Variants in GTF2IRD1 observed in about 807,000 individuals in gnomAD.
The protein encoded by GTF2IRD1 is GTF2I repeat domain containing 1.
A neutral mutation model predicts 113.2 loss-of-function variants in GTF2IRD1; 26 were observed. The observed-to-expected ratio is 0.23, with a 90% CI of 0.17 to 0.32. The LOEUF is 0.32. GTF2IRD1 is among the 10% of genes least tolerant of loss of function. The pLI is 1.00. For synonymous variants in GTF2IRD1, 484 were observed against 529.1 expected (o/e 0.91, Z 1.17); for missense variants, 864 against 1,280.8 (o/e 0.67, Z 4.97).
chr7:74,488,108 C>A (rs1448146208), intron 1 of GTF2IRD1, among the ~76,000 whole-genome samples: 1 of 152,106 alleles, frequency 6.6e-6, no homozygotes, highest in Non-Finnish European at 1.5e-5. Flanking sequence ...CAGTGAGACC[C>A]TATCTCTAAA....
chr7:74,538,202 G>A, intron 12 of GTF2IRD1, 29 bp downstream of exon 12: 1 of 1,610,118 alleles, frequency 6.2e-7, no homozygotes, highest in Non-Finnish European at 8.5e-7. Context: ...CGCTGTGTGT[G>A]TGGTGGGCCG....
At chr7:74,568,521 A>G (rs1471340988) in intron 22 of GTF2IRD1, among the ~76,000 whole-genome samples, 17 of 151,834 alleles carry the variant, frequency 1.1e-4, no homozygotes, top group Admixed American at 9.2e-4. Flanking sequence ...GATGGCGGGC[A>G]CCTGTAGTCC....
chr7:74,552,256 G>T (rs1799353889), intron 17 of GTF2IRD1, among the ~76,000 whole-genome samples: 1 of 152,114 alleles, frequency 6.6e-6, no homozygotes, highest in African/African-American at 2.4e-5. Context: ...GGTGGCTCAC[G>T]CCTGTAATCC....
intron 26 of GTF2IRD1, 165 bp downstream of exon 26, chr7:74,601,345 A>G (rs1554374050): frequency 1.3e-6 from 2 of 1,531,858 alleles, no homozygotes; most frequent in East Asian, 2.5e-5. Flanking sequence ...CACCTGTCTC[A>G]CCCAAGAGGT....
chr7:74,508,239 G>A, intron 2 of GTF2IRD1, 36 bp downstream of exon 2: 6 of 1,591,930 alleles, frequency 3.8e-6, no homozygotes, highest in Non-Finnish European at 5.1e-6. Context: ...GAGGGGACAG[G>A]GTGAGCGTCC....
intron 1 of GTF2IRD1, among the ~76,000 whole-genome samples, chr7:74,467,686 T>G (rs1318461763): frequency 2.0e-5 from 3 of 151,690 alleles, no homozygotes; most frequent in African/African-American, 7.3e-5. Flanking sequence ...TTTTATTTTG[T>G]ATTTAATTTT....
In GTF2IRD1 at chr7:74,566,372, TCG is replaced by T. The variant is rs1367941804; in HGVS notation, c.2320+6719_2320+6720del. Among the ~76,000 whole-genome samples, 747 of 144,964 alleles carry T rather than the reference TCG, an allele frequency of 5.2e-3. 5 individuals are homozygous for T. The highest frequency in any genetic ancestry group is 0.018 in the African/African-American group (680 of 38,236). On this transcript the variant is annotated intron_variant, in intron 22 of 26. Coordinates refer to ENST00000424337, the MANE Select transcript of GTF2IRD1 (RefSeq NM_005685.4). Reference sequence around the variant, plus strand: ...TCACACTTTTTTTTGAGACGGAGTCTCGCTCTGTCCCCCAGGCTGGACTGCAG... The same window carrying T: ...TCACACTTTTTTTTGAGACGGAGTCTCTCTGTCCCCCAGGCTGGACTGCAG...
rs782322169 is a variant in GTF2IRD1 at position 74,519,732 on chromosome 7, C to T, written c.916+13C>T. Reference sequence around the variant, plus strand: ...TCCGACTGTTGTGGTAACATTGCTGCTGGGATCTCCAAGTCTAGGGGGTGG... The same window carrying T: ...TCCGACTGTTGTGGTAACATTGCTGTTGGGATCTCCAAGTCTAGGGGGTGG... On this transcript the variant is annotated intron_variant, in intron 6 of 26. Transcript: ENST00000424337. 2 of 1,536,482 alleles carry T rather than the reference C, an allele frequency of 1.3e-6. No individual in the cohort carries two copies. The highest frequency in any genetic ancestry group is 2.5e-5 in the South Asian group (2 of 80,668).
chr7:74,496,052 A>C (rs1306629740), intron 1 of GTF2IRD1, among the ~76,000 whole-genome samples: 3 of 124,100 alleles, frequency 2.4e-5, no homozygotes, highest in African/African-American at 1.4e-4. Flanking sequence ...GTGTGCACAC[A>C]TGTGTCTGTA....
At chr7:74,556,467 C>T (rs1212765920) in intron 19 of GTF2IRD1, among the ~76,000 whole-genome samples, 4 of 150,414 alleles carry the variant, frequency 2.7e-5, no homozygotes, top group African/African-American at 7.3e-5. Context: ...ATTATAGGCA[C>T]GTGCCACCAC....
intron 1 of GTF2IRD1, among the ~76,000 whole-genome samples, chr7:74,481,963 G>C (rs947454577): frequency 2.6e-5 from 4 of 152,110 alleles, no homozygotes; most frequent in African/African-American, 4.8e-5. Flanking sequence ...GAAACTCATG[G>C]CTGCTAGGCT....
intron 7 of GTF2IRD1, among the ~76,000 whole-genome samples, chr7:74,523,731 A>G (rs989228350): frequency 2.0e-5 from 3 of 152,084 alleles, no homozygotes; most frequent in Non-Finnish European, 4.4e-5. Flanking sequence ...AAGGAAAAAA[A>G]AAAACATAAG....
At chr7:74,454,874 G>A (rs1792861111) in intron 1 of GTF2IRD1, among the ~76,000 whole-genome samples, 1 of 152,174 alleles carries the variant, frequency 6.6e-6, no homozygotes, top group Non-Finnish European at 1.5e-5. Flanking sequence ...GGAGAGGACA[G>A]AGGAGGGGCC....
At chr7:74,485,180 A>T (rs1241114880) in intron 1 of GTF2IRD1, among the ~76,000 whole-genome samples, 1 of 152,184 alleles carries the variant, frequency 6.6e-6, no homozygotes, top group African/African-American at 2.4e-5. Flanking sequence ...GGCATCCTCT[A>T]GCTACAGATG....
intron 19 of GTF2IRD1, among the ~76,000 whole-genome samples, chr7:74,556,087 CA>C (rs1468125014): frequency 1.3e-5 from 2 of 151,638 alleles, no homozygotes; most frequent in East Asian, 3.9e-4. Flanking sequence ...CCGTGTCTAC[CA>C]AAAAAATACA....
chr7:74,593,942 G>A (rs1554371061), intron 24 of GTF2IRD1, among the ~76,000 whole-genome samples: 1 of 151,716 alleles, frequency 6.6e-6, no homozygotes, highest in Non-Finnish European at 1.5e-5. Context: ...GCTCGCGCTT[G>A]TAATCCCAGC....
intron 1 of GTF2IRD1, among the ~76,000 whole-genome samples, chr7:74,468,272 T>G (rs1793847090): frequency 6.6e-6 from 1 of 151,242 alleles, no homozygotes; most frequent in Admixed American, 6.6e-5. Context: ...AAGGCCGAGA[T>G]GGGCAGATTG....
intron 8 of GTF2IRD1, among the ~76,000 whole-genome samples, chr7:74,527,564 G>A (rs587616998): frequency 1.9e-4 from 29 of 152,300 alleles, no homozygotes; most frequent in African/African-American, 5.3e-4. Context: ...GTGTGGGGCC[G>A]GGGACTGTGG....
intron 1 of GTF2IRD1, among the ~76,000 whole-genome samples, chr7:74,476,340 G>A (rs1429815420): frequency 2.0e-5 from 3 of 147,610 alleles, no homozygotes; most frequent in African/African-American, 7.5e-5. Flanking sequence ...CCTCTTCCAC[G>A]CCCGCTTGGA....
Sources: gnomAD v4.1 joint callset for allele counts (sites outside exome capture counted in the v4.1 genomes callset) on GRCh38, gnomAD v4.1.1 for gene constraint, MANE v1.5 for transcripts, NCBI Gene and HGNC (gene_info 2026-07-23, HGNC 2026-07-21) for gene names.